Variants in VAPB observed in about 807,000 individuals in gnomAD.
VAPB encodes the protein vesicle-associated membrane protein-associated protein B/C.
In VAPB, 7 loss-of-function variants were observed where a neutral mutation model predicts 25.6. The observed-to-expected ratio is 0.27, with a 90% CI of 0.16 to 0.51. The LOEUF (loss-of-function observed/expected upper bound fraction) is 0.51, where lower values mean the gene tolerates loss of function less well. Among genes scored for constraint, VAPB ranks in the 20% least tolerant of loss-of-function variants. The pLI, the probability that VAPB is intolerant of heterozygous loss-of-function variation, is 0.97. For synonymous variants in VAPB, 112 were observed against 109.2 expected (o/e 1.03, Z -0.16); for missense variants, 266 against 301.3 (o/e 0.88, Z 0.87).
intron 1 of VAPB, among the ~76,000 whole-genome samples, chr20:58,400,605 T>A (rs2300761): frequency 0.12 from 18,287 of 152,262 alleles, 1,556 homozygotes; most frequent in East Asian, 0.31. Context: ...TGTAAGCTCC[T>A]ATAGGTTTTT....
chr20:58,396,108 G>C (rs1181267279), intron 1 of VAPB, among the ~76,000 whole-genome samples: 1 of 152,110 alleles, frequency 6.6e-6, no homozygotes, highest in Non-Finnish European at 1.5e-5. Context: ...GAAAACCTTG[G>C]AATACTTTCT....
Position 58,430,332 on chromosome 20 carries a change from A to G in VAPB, c.212-4270A>G, listed in dbSNP as rs570230770. Among the ~76,000 whole-genome samples, 91 of 150,796 alleles carry G rather than the reference A, an allele frequency of 6.0e-4. 1 individual carries two copies. Among genetic ancestry groups the G allele is most frequent in the African/African-American group, 2.2e-3 (89 of 41,056 alleles). ...TTGCCACTGCACTCCAGCATGAGGGACAGAGTGAGACTCCATCCTCCCAGG... is the reference window on the plus strand; with the variant it reads ...TTGCCACTGCACTCCAGCATGAGGGGCAGAGTGAGACTCCATCCTCCCAGG... On this transcript the variant is annotated intron_variant, in intron 2 of 5. Coordinates refer to ENST00000475243, the MANE Select transcript of VAPB (RefSeq NM_004738.5).
At chr20:58,415,849 C>T (rs1263727864) in intron 1 of VAPB, among the ~76,000 whole-genome samples, 1 of 152,122 alleles carries the variant, frequency 6.6e-6, no homozygotes, top group Non-Finnish European at 1.5e-5. Context: ...TCCATTAATA[C>T]AGGGGAAAAG....
At chr20:58,429,973 C>CT (rs1252340036) in intron 2 of VAPB, among the ~76,000 whole-genome samples, 3 of 151,104 alleles carry the variant, frequency 2.0e-5, no homozygotes, top group Non-Finnish European at 2.9e-5. Context: ...ACTCAGGAGG[C>CT]AAGGCAGGAG....
At position 58,431,562 on chromosome 20, in the gene VAPB, T is replaced by G. The variant is rs562915304; in HGVS notation, c.212-3040T>G. 587 of 152,104 alleles carry G rather than the reference T, an allele frequency of 3.9e-3. 16 individuals carry two copies. Among genetic ancestry groups the G allele is most frequent in the Admixed American group, 0.029 (446 of 15,264 alleles). The allele number at this position is 152,104 out of a possible 1,614,324, so 9.4% of individuals were successfully genotyped here. ...TTCTGAGCCCTTATCTTGTTTGTTT[T>G]TTTTTTTGTTTTTTCTTTTTTTTTA... On this transcript the variant is annotated intron_variant, in intron 2 of 5. Transcript: ENST00000475243.
At chr20:58,389,623 G>A in intron 1 of VAPB, 106 bp downstream of exon 1, 4 of 1,242,380 alleles carry the variant, frequency 3.2e-6, no homozygotes, top group Non-Finnish European at 3.2e-6. Context: ...CCACCCCGAC[G>A]GCGCTGTCGC....
In VAPB at chr20:58,445,955, C is replaced by A. The variant is rs1365673155; in HGVS notation, c.*1720C>A. ...GAAGGAAGGCAGTCCTTAGAAGTCA[C>A]ATACGTTGAGCCACGTTGCTCCTAA... On this transcript the variant is annotated 3_prime_UTR_variant, in exon 6 of 6. Transcript: ENST00000475243. 2.2e-6 allele frequency: 1 copy of A among 453,946 alleles called. No individual in the cohort carries two copies. Among genetic ancestry groups the A allele is most frequent in the African/African-American group, 2.0e-5 (1 of 49,970 alleles). The allele number at this position is 453,946 out of a possible 1,614,324, so 28.1% of individuals were successfully genotyped here. A position where few individuals can be genotyped will look rare whatever the true frequency, so the allele number is the denominator to read the frequency against.
chr20:58,442,637 A>G (rs1039172728), intron 5 of VAPB, among the ~76,000 whole-genome samples: 3 of 152,262 alleles, frequency 2.0e-5, no homozygotes, highest in Non-Finnish European at 4.4e-5. Flanking sequence ...CATCTGGCCA[A>G]CAAATTTACT....
At chr20:58,411,161 G>A (rs886742598) in intron 1 of VAPB, among the ~76,000 whole-genome samples, 1 of 152,240 alleles carries the variant, frequency 6.6e-6, no homozygotes, top group Non-Finnish European at 1.5e-5. Flanking sequence ...GTGAATGAGA[G>A]TTCCTGTTGT....
At chr20:58,435,326 G>A (rs913766642) in intron 3 of VAPB, among the ~76,000 whole-genome samples, 2 of 151,584 alleles carry the variant, frequency 1.3e-5, no homozygotes, top group Non-Finnish European at 2.9e-5. Flanking sequence ...CCTCCAAAAC[G>A]AGCTTTTTAT....
rs1568709175 is a variant in VAPB, at chr20:58,418,193, C to CT, written c.59-17dup. The CT allele has an allele frequency of 6.2e-7, 1 of 1,614,040 alleles. No individual in the cohort carries two copies. The highest frequency in any genetic ancestry group is 1.7e-5 in the Admixed American group (1 of 60,020). On this transcript the variant is annotated splice_polypyrimidine_tract_variant and intron_variant, in intron 1 of 5. Transcript: ENST00000475243. Reference sequence around the variant, plus strand: ...TTTCCTCATGAGACCCCCAATCAGTCTCTGTCTCATTCTACAGGTCCCTTC... The same window carrying CT: ...TTTCCTCATGAGACCCCCAATCAGTCTTCTGTCTCATTCTACAGGTCCCTTC...
intron 1 of VAPB, among the ~76,000 whole-genome samples, chr20:58,392,717 G>GA (rs1326647608): frequency 6.6e-6 from 1 of 152,128 alleles, no homozygotes; most frequent in Admixed American, 6.5e-5. Flanking sequence ...CCATTCAAAG[G>GA]AAAAATTATC....
Position 58,449,757 on chromosome 20 carries a change from G to T in VAPB, c.*5522G>T, listed in dbSNP as rs750549372. On this transcript the variant is annotated 3_prime_UTR_variant, in exon 6 of 6. Transcript: ENST00000475243. ...ATTACACCCCAGGGCTGATGGAGAT[G>T]TAATCACTTGGCTAATGGATGTGGG... The T allele has an allele frequency of 2.8e-4, 127 of 454,120 alleles. 1 individual carries two copies. The highest frequency in any genetic ancestry group is 1.3e-3 in the South Asian group (81 of 64,476). 28.1% of individuals were successfully genotyped at this position (454,120 alleles called of 1,614,324 possible).
At chr20:58,424,394 C>T (rs753168420) in intron 2 of VAPB, among the ~76,000 whole-genome samples, 49 of 152,006 alleles carry the variant, frequency 3.2e-4, no homozygotes, top group Non-Finnish European at 5.6e-4. Context: ...GGCAAGAACA[C>T]CACCGAGAGC....
intron 1 of VAPB, among the ~76,000 whole-genome samples, chr20:58,407,183 T>C (rs1229692535): frequency 6.6e-6 from 1 of 152,202 alleles, no homozygotes; most frequent in Non-Finnish European, 1.5e-5. Context: ...AAATCTAGTG[T>C]ATTAAAGGAA....
chr20:58,427,476 G>C (rs542859797), intron 2 of VAPB, among the ~76,000 whole-genome samples: 8 of 152,180 alleles, frequency 5.3e-5, no homozygotes, highest in Non-Finnish European at 1.0e-4. Flanking sequence ...GCAGGTGAAA[G>C]TGATCCGTGA....
chr20:58,445,185 A>G lies in VAPB; in HGVS notation c.*950A>G, dbSNP rs541390047. 13 of 454,160 alleles carry G rather than the reference A, an allele frequency of 2.9e-5. No individual in the cohort carries two copies. Among genetic ancestry groups the G allele is most frequent in the South Asian group, 4.7e-5 (3 of 64,478 alleles). The allele number at this position is 454,160 out of a possible 1,614,324, so 28.1% of individuals were successfully genotyped here. On this transcript the variant is annotated 3_prime_UTR_variant, in exon 6 of 6. Transcript: ENST00000475243. ...AACTGTCATAGGGAGGGAAATTCTC[A>G]GTAGTGACAGTCAACTCTAGGTTAC...
chr20:58,440,820 T>C, intron 4 of VAPB, 87 bp from the exon 5 acceptor site: 1 of 1,242,306 alleles, frequency 8.0e-7, no homozygotes, highest in Non-Finnish European at 1.2e-6. Context: ...CCACGTTTGG[T>C]GTTTGCTGAG....
At chr20:58,399,262 T>C (rs1395660759) in intron 1 of VAPB, among the ~76,000 whole-genome samples, 1 of 151,132 alleles carries the variant, frequency 6.6e-6, no homozygotes, top group African/African-American at 2.4e-5. Context: ...ATCGTGCCAT[T>C]GTACTCCAGC....
Sources: gnomAD v4.1 joint callset for allele counts (sites outside exome capture counted in the v4.1 genomes callset) on GRCh38, gnomAD v4.1.1 for gene constraint, MANE v1.5 for transcripts, NCBI Gene and HGNC (gene_info 2026-07-23, HGNC 2026-07-21) for gene names.